The following MIR2052HG variants were observed in gnomAD, a reference collection of about 807,000 sequenced individuals.
MIR2052HG encodes MIR2052 host gene.
rs115584535 is a variant in MIR2052HG at position 74,734,375 on chromosome 8, T to C, written n.372-18066T>C. ...ACATATGGGCATTTTGTAGTATTTC[T>C]ATAATTCTCAAATGAGTTTGTAATC... On this transcript the variant is annotated intron_variant and non_coding_transcript_variant, in intron 4 of 6. Coordinates refer to ENST00000523442, the Ensembl canonical transcript of MIR2052HG. Among the ~76,000 whole-genome samples the C allele has an allele frequency of 5.1e-3, 781 of 152,338 alleles. 5 individuals are homozygous for C. The highest frequency in any genetic ancestry group is 0.018 in the African/African-American group (757 of 41,576).
intron 4 of MIR2052HG, among the ~76,000 whole-genome samples, chr8:74,729,994 T>C (rs945638449): frequency 1.3e-5 from 2 of 152,150 alleles, no homozygotes; most frequent in African/African-American, 2.4e-5. Context: ...AACCAAAAGA[T>C]AGAAAATGTG....
chr8:74,755,659 T>C (rs1809992120), intron 5 of MIR2052HG, among the ~76,000 whole-genome samples: 1 of 152,230 alleles, frequency 6.6e-6, no homozygotes, highest in Admixed American at 6.5e-5. Flanking sequence ...CAGCGTTCTA[T>C]CCATCTGTTT....
Position 74,668,153 on chromosome 8 carries a change from G to A in MIR2052HG, n.217-34226G>A, listed in dbSNP as rs528810002. 9.9e-5 allele frequency among the ~76,000 whole-genome samples: 15 copies of A among 151,710 alleles called. No homozygotes were observed. In the East Asian group the frequency reaches 2.7e-3, roughly 27 times the overall value. ...GAAGTGGCTTTGCTGATGTAGAATT[G>A]AGTGTCAGAGGCTACTGACACATTG... On this transcript the variant is annotated intron_variant and non_coding_transcript_variant, in intron 2 of 6. Transcript: ENST00000523442.
intron 1 of MIR2052HG, chr8:74,609,803 T>C (rs1296069969): frequency 6.6e-6 from 1 of 150,430 alleles, no homozygotes; most frequent in African/African-American, 2.4e-5. Flanking sequence ...AAAAAGAGAG[T>C]GCTTCAACCC....
chr8:74,660,350 T>A (rs985339424), intron 2 of MIR2052HG, among the ~76,000 whole-genome samples: 1 of 152,208 alleles, frequency 6.6e-6, no homozygotes, highest in South Asian at 2.1e-4. Context: ...CCCAGCTCAT[T>A]TTTTGAACTA....
At chr8:74,743,143 G>A (rs1047073104) in intron 4 of MIR2052HG, among the ~76,000 whole-genome samples, 2 of 151,456 alleles carry the variant, frequency 1.3e-5, no homozygotes, top group Admixed American at 6.6e-5. Context: ...TTGGACACAC[G>A]GTAGAATAAG....
chr8:74,688,311 C>A (rs1809204319), intron 2 of MIR2052HG, among the ~76,000 whole-genome samples: 1 of 152,180 alleles, frequency 6.6e-6, no homozygotes, highest in South Asian at 2.1e-4. Context: ...ACCATTATTT[C>A]ATTACTTAAC....
chr8:74,674,572 A>G (rs1277414751), intron 2 of MIR2052HG, among the ~76,000 whole-genome samples: 1 of 151,972 alleles, frequency 6.6e-6, no homozygotes, highest in African/African-American at 2.4e-5. Context: ...TCATGAGAGA[A>G]TTTGGCTAAG....
chr8:74,689,121 C>A (rs957265663), intron 2 of MIR2052HG, among the ~76,000 whole-genome samples: 2 of 152,104 alleles, frequency 1.3e-5, no homozygotes, highest in Non-Finnish European at 2.9e-5. Context: ...CAGATACAAC[C>A]ATACGTGGTT....
intron 1 of MIR2052HG, among the ~76,000 whole-genome samples, chr8:74,611,030 A>G (rs1808187110): frequency 6.6e-6 from 1 of 152,114 alleles, no homozygotes; most frequent in South Asian, 2.1e-4. Context: ...GACACTATTA[A>G]GAGAGTGAAA....
chr8:74,730,758 A>AAT (rs776905231), intron 4 of MIR2052HG, among the ~76,000 whole-genome samples: 7 of 152,002 alleles, frequency 4.6e-5, no homozygotes, highest in African/African-American at 7.3e-5. Context: ...AGTTTACATG[A>AAT]ATATATATAT....
At chr8:74,651,518 A>G (rs1808752897) in intron 2 of MIR2052HG, among the ~76,000 whole-genome samples, 1 of 152,214 alleles carries the variant, frequency 6.6e-6, no homozygotes, top group Admixed American at 6.5e-5. Flanking sequence ...TCTTAAAACT[A>G]TGGAAAATGC....
At chr8:74,692,884 G>A (rs905261189) in intron 2 of MIR2052HG, among the ~76,000 whole-genome samples, 3 of 152,224 alleles carry the variant, frequency 2.0e-5, no homozygotes, top group African/African-American at 7.2e-5. Context: ...AAAACTTCCA[G>A]AAAGTCAAGA....
chr8:74,602,834 T>A (rs984947289), intron 1 of MIR2052HG, among the ~76,000 whole-genome samples: 1 of 135,546 alleles, frequency 7.4e-6, no homozygotes, highest in South Asian at 2.3e-4. Flanking sequence ...TCTTTCTTTC[T>A]TTCTTTCTTT....
At chr8:74,698,452 G>T (rs1809323613) in intron 2 of MIR2052HG, among the ~76,000 whole-genome samples, 1 of 152,154 alleles carries the variant, frequency 6.6e-6, no homozygotes, top group South Asian at 2.1e-4. Context: ...CTTAGGCAAA[G>T]ACTTCATGAA....
At chr8:74,629,436 C>T (rs1431097132) in intron 2 of MIR2052HG, among the ~76,000 whole-genome samples, 1 of 151,818 alleles carries the variant, frequency 6.6e-6, no homozygotes, top group Non-Finnish European at 1.5e-5. Context: ...GTAGGTGATG[C>T]CTAGGGTGGG....
chr8:74,736,094 A>G (rs552697155), intron 4 of MIR2052HG, among the ~76,000 whole-genome samples: 34 of 152,236 alleles, frequency 2.2e-4, no homozygotes, highest in Non-Finnish European at 4.0e-4. Context: ...ATGTATATCT[A>G]GGTTCATAAA....
At chr8:74,627,009 G>A (rs796396061) in intron 2 of MIR2052HG, among the ~76,000 whole-genome samples, 17 of 152,244 alleles carry the variant, frequency 1.1e-4, no homozygotes, top group African/African-American at 3.9e-4. Context: ...TCCTCTGGCT[G>A]GGCAGCCATG....
intron 1 of MIR2052HG, among the ~76,000 whole-genome samples, chr8:74,600,517 G>T (rs1031613915): frequency 6.6e-6 from 1 of 150,838 alleles, no homozygotes; most frequent in Non-Finnish European, 1.5e-5. Context: ...GGGAGGCGGA[G>T]GTTGTGGTGA....
Sources: allele counts gnomAD v4.1 joint callset (sites outside exome capture counted in the v4.1 genomes callset), GRCh38; gene constraint gnomAD v4.1.1; transcripts MANE v1.5; gene names NCBI Gene and HGNC (gene_info 2026-07-23, HGNC 2026-07-21).